The following MCM6 variants were observed in gnomAD, a reference collection of about 807,000 sequenced individuals.
The protein encoded by MCM6 is DNA replication licensing factor MCM6.
In MCM6, 46 loss-of-function variants were observed where a neutral mutation model predicts 94.3. The ratio of observed to expected loss-of-function variants is 0.49; its 90% CI spans 0.39 to 0.62. The LOEUF (loss-of-function observed/expected upper bound fraction) is 0.62. Among genes scored for constraint, MCM6 ranks in the 20% least tolerant of loss-of-function variants. The pLI is 0.00. For synonymous variants in MCM6, 335 were observed against 351.9 expected (o/e 0.95, Z 0.54); for missense variants, 865 against 1,017.9 (o/e 0.85, Z 2.04).
chr2:135,844,137 A>G (rs1393894589), intron 16 of MCM6, among the ~76,000 whole-genome samples: 1 of 151,998 alleles, frequency 6.6e-6, no homozygotes, highest in African/African-American at 2.4e-5. Flanking sequence ...AAAAAAAGTT[A>G]TATTTAACCA....
At chr2:135,841,979 C>T (rs951768083) in intron 16 of MCM6, among the ~76,000 whole-genome samples, 4 of 151,994 alleles carry the variant, frequency 2.6e-5, no homozygotes, top group African/African-American at 9.7e-5. Context: ...GTGGCGGGCA[C>T]CTGTAATCCC....
At chr2:135,847,197 T>A (rs1294131434) in intron 14 of MCM6, among the ~76,000 whole-genome samples, 1 of 152,102 alleles carries the variant, frequency 6.6e-6, no homozygotes, top group Admixed American at 6.5e-5. Flanking sequence ...CAGTATTATA[T>A]ACAAAATAAA....
intron 1 of MCM6, 53 bp from the exon 2 acceptor site, chr2:135,872,896 C>G (rs1680228617): frequency 6.3e-7 from 1 of 1,592,558 alleles, no homozygotes; most frequent in South Asian, 1.1e-5. Flanking sequence ...TACAAAGAAC[C>G]TGAATGATAA....
chr2:135,845,989 A>T (rs1167764616), intron 15 of MCM6, among the ~76,000 whole-genome samples: 1 of 152,246 alleles, frequency 6.6e-6, no homozygotes, highest in Non-Finnish European at 1.5e-5. Context: ...TCCCAAAATT[A>T]TTAAAATAGG....
At position 135,876,292 on chromosome 2, in the gene MCM6, T is replaced by C; in HGVS notation, c.74A>G (p.Lys25Arg). ...HLEVRDEVAEKCQKLFLDFLE... is the reference protein window; with the variant it reads ...HLEVRDEVAERCQKLFLDFLE... ...GAAGTCCAGGAACAGTTTCTGGCAC[T>C]TCTCGGCCACCTCGTCGCGGACCTC... The change falls in exon 1 of 17, where the codon AAG (lysine) becomes AGG (arginine). Residue 25 changes from lysine to arginine, a missense_variant. Transcript: ENST00000264156. 1 of 1,611,392 alleles carries C rather than the reference T, an allele frequency of 6.2e-7. No individual in the cohort carries two copies. The highest frequency in any genetic ancestry group is 8.5e-7 in the Non-Finnish European group (1 of 1,179,472).
At chr2:135,872,391 T>A (rs2105593284) in intron 2 of MCM6, among the ~76,000 whole-genome samples, 1 of 152,226 alleles carries the variant, frequency 6.6e-6, no homozygotes, top group African/African-American at 2.4e-5. Context: ...GAGGTTGCAG[T>A]GAGCCAAGAT....
At chr2:135,870,445 A>C (rs1680179696) in intron 2 of MCM6, 84 bp from the exon 3 acceptor site, 1 of 896,958 alleles carries the variant, frequency 1.1e-6, no homozygotes, top group South Asian at 1.4e-5. Context: ...GCCGAGATTA[A>C]GGAATTTCAT....
chr2:135,841,820 C>A (rs1679578082), intron 16 of MCM6, among the ~76,000 whole-genome samples: 1 of 152,042 alleles, frequency 6.6e-6, no homozygotes, highest in African/African-American at 2.4e-5. Flanking sequence ...AAAAGGTAAT[C>A]CAGGCTGAGC....
intron 13 of MCM6, among the ~76,000 whole-genome samples, 170 bp downstream of exon 13, chr2:135,851,232 C>G (rs1312406509): frequency 6.6e-6 from 1 of 152,224 alleles, no homozygotes. Context: ...CAACTACACT[C>G]AAATGCTTAC....
intron 11 of MCM6, among the ~76,000 whole-genome samples, chr2:135,854,880 C>T (rs760145257): frequency 6.6e-6 from 1 of 151,604 alleles, no homozygotes; most frequent in South Asian, 2.1e-4. Flanking sequence ...ACAAGCCGGG[C>T]GCGGTGGCTC....
Position 135,857,963 on chromosome 2 carries a change from C to T in MCM6, c.1404G>A (p.Arg468=), listed in dbSNP as rs1199064454. 1.9e-6 allele frequency: 3 copies of T among 1,613,912 alleles called. No individual in the cohort carries two copies. The South Asian group carries it at 3.3e-5, about 18-fold the overall frequency. The change falls in exon 10 of 17, where the codon CGG becomes CGA. Residue 468 remains arginine (R), a synonymous_variant. Transcript: ENST00000264156. ...TAGCTTCATGAATAGCAACTTGATC[C>T]CGCACGTCCATCTTATCAAATTCAT... ...CIDEFDKMDV[R]DQVAIHEAME...
intron 9 of MCM6, 71 bp from the exon 10 acceptor site, chr2:135,858,075 A>G (rs2105582443): frequency 7.0e-7 from 1 of 1,429,926 alleles, no homozygotes; most frequent in South Asian, 1.2e-5. Context: ...TTGTAATCCC[A>G]GCACTTTGGG....
chr2:135,876,189 CA>C, intron 1 of MCM6, 69 bp downstream of exon 1: 1 of 1,257,218 alleles, frequency 8.0e-7, no homozygotes, highest in Non-Finnish European at 1.1e-6. Flanking sequence ...CCGCCGCCCA[CA>C]CGGCACCGCC....
chr2:135,871,920 A>G (rs1490260439), intron 2 of MCM6, among the ~76,000 whole-genome samples: 1 of 152,230 alleles, frequency 6.6e-6, no homozygotes, highest in Non-Finnish European at 1.5e-5. Context: ...TTTCTACAAT[A>G]TATACCTATT....
chr2:135,851,602 A>G (rs779692963), intron 12 of MCM6, 39 bp from the exon 13 acceptor site: 35 of 1,538,850 alleles, frequency 2.3e-5, no homozygotes, highest in Non-Finnish European at 2.8e-5. Context: ...AAACATTTCT[A>G]TTTGATGAGA....
intron 8 of MCM6, among the ~76,000 whole-genome samples, chr2:135,862,169 C>A (rs1017475080): frequency 6.7e-6 from 1 of 149,934 alleles, no homozygotes; most frequent in African/African-American, 2.5e-5. Context: ...TTTTTCCATG[C>A]GAAAAGAAAC....
chr2:135,875,289 G>A lies in MCM6; in HGVS notation c.107+970C>T, dbSNP rs1680274086. Reference sequence around the variant, plus strand: ...TGAGGCAGGAGAATAGCTTGAACCCGGGAGACGGAGGTTGCGGTGAGCTGA... The same window carrying A: ...TGAGGCAGGAGAATAGCTTGAACCCAGGAGACGGAGGTTGCGGTGAGCTGA... On this transcript the variant is annotated intron_variant, in intron 1 of 16. Coordinates refer to ENST00000264156, the MANE Select transcript of MCM6 (RefSeq NM_005915.6). 2.6e-5 allele frequency among the ~76,000 whole-genome samples: 4 copies of A among 152,098 alleles called. No homozygotes were observed. The South Asian group carries it at 6.2e-4, about 24-fold the overall frequency.
rs1680101163 is a variant in MCM6 at position 135,866,706 on chromosome 2, G to C, written c.638C>G (p.Ala213Gly). 6.2e-7 allele frequency: 1 copy of C among 1,611,374 alleles called. No individual in the cohort carries two copies. Among genetic ancestry groups the C allele is most frequent in the Non-Finnish European group, 8.5e-7 (1 of 1,179,086 alleles). ...FQKVRIQETQ[A>G]ELPRGSIPRS... ...GGGGATACTCCCTCGAGGAAGCTCAGCTTGGGTCTCTTGAATACGAACCTG... is the reference window on the plus strand; with the variant it reads ...GGGGATACTCCCTCGAGGAAGCTCACCTTGGGTCTCTTGAATACGAACCTG... Residue 213 changes from alanine (A) to glycine (G), a missense_variant, in exon 5 of 17, where the codon GCT becomes GGT. Ala to Gly is a moderately conservative substitution (Grantham distance 60). Around this residue, in one of 3 missense-constraint regions of MCM6, gnomAD observed 404 missense variants for 451.9 expected, o/e 0.89. Coordinates refer to ENST00000264156, the MANE Select transcript of MCM6 (RefSeq NM_005915.6).
At chr2:135,853,937 G>A (rs960167954) in intron 11 of MCM6, among the ~76,000 whole-genome samples, 14 of 152,184 alleles carry the variant, frequency 9.2e-5, no homozygotes, top group African/African-American at 1.2e-4. Context: ...TAATTAAGAA[G>A]TTGTCTGGGC....
Sources: allele counts gnomAD v4.1 joint callset (sites outside exome capture counted in the v4.1 genomes callset), GRCh38; gene constraint gnomAD v4.1.1; regional missense constraint gnomAD v4.1.1; transcripts MANE v1.5; gene names NCBI Gene and HGNC (gene_info 2026-07-23, HGNC 2026-07-21).